SGCD: variants seen among roughly 807,000 people sequenced by gnomAD.
SGCD encodes the protein sarcoglycan delta, also known as delta-sarcoglycan.
Under a neutral mutation model 36.6 loss-of-function variants are expected in SGCD, and 18 were observed. The ratio of observed to expected loss-of-function variants is 0.49; its 90% CI spans 0.34 to 0.73. The LOEUF (loss-of-function observed/expected upper bound fraction) is 0.73, where lower values mean the gene tolerates loss of function less well. Among genes scored for constraint, SGCD ranks in the 30% least tolerant of loss-of-function variants. SGCD has a pLI of 0.01. For missense variants in SGCD, 387 were observed against 346.7 expected (o/e 1.12, Z -0.92); for synonymous variants, 133 against 130.6 (o/e 1.02, Z -0.12).
chr5:155,810,625 A>G, the SGCD span, among the ~76,000 whole-genome samples: 3 of 152,052 alleles, frequency 2.0e-5, no homozygotes, highest in Admixed American at 6.6e-5. Flanking sequence ...GAAGAGCTAA[A>G]TGTTGATAAA....
intron 6 of SGCD, among the ~76,000 whole-genome samples, chr5:156,639,191 T>C (rs1325873429): frequency 6.6e-6 from 1 of 152,132 alleles, no homozygotes. Flanking sequence ...TATACACACA[T>C]ATATAGTCAC....
At chr5:156,295,797 A>G (rs1249667019) in intron 3 of SGCD, among the ~76,000 whole-genome samples, 1 of 152,202 alleles carries the variant, frequency 6.6e-6, no homozygotes, top group Non-Finnish European at 1.5e-5. Context: ...TATTCCTACC[A>G]AAATATCCAA....
At chr5:156,200,274 A>G (rs1240696303) in intron 3 of SGCD, among the ~76,000 whole-genome samples, 2 of 152,066 alleles carry the variant, frequency 1.3e-5, no homozygotes, top group Non-Finnish European at 2.9e-5. Flanking sequence ...ATACTGCAAA[A>G]CAGCAGTAAT....
At chr5:156,589,676 G>A (rs1250226063) in intron 5 of SGCD, among the ~76,000 whole-genome samples, 2 of 152,188 alleles carry the variant, frequency 1.3e-5, no homozygotes, top group Non-Finnish European at 2.9e-5. Flanking sequence ...TGGATTGGTT[G>A]AGAGAAGAAT....
intron 1 of SGCD, among the ~76,000 whole-genome samples, chr5:156,110,905 T>C (rs990528724): frequency 1.3e-5 from 2 of 152,150 alleles, no homozygotes; most frequent in Non-Finnish European, 2.9e-5. Context: ...ACTGCCAACT[T>C]ATATAAATTG....
At chr5:156,748,011 T>C (rs1554136174) in intron 7 of SGCD, among the ~76,000 whole-genome samples, 2 of 152,114 alleles carry the variant, frequency 1.3e-5, no homozygotes, top group Non-Finnish European at 2.9e-5. Context: ...GTAGAGTGGG[T>C]AAACAAATCA....
At chr5:156,382,798 T>G (rs1455871200) in intron 3 of SGCD, among the ~76,000 whole-genome samples, 1 of 152,220 alleles carries the variant, frequency 6.6e-6, no homozygotes, top group East Asian at 1.9e-4. Flanking sequence ...AGAGACTTTA[T>G]GTACTTTCAA....
intron 7 of SGCD, among the ~76,000 whole-genome samples, chr5:156,716,378 C>T (rs1226274341): frequency 6.6e-6 from 1 of 152,224 alleles, no homozygotes; most frequent in Non-Finnish European, 1.5e-5. Flanking sequence ...TGGATTTCCA[C>T]TGCACATTTT....
chr5:155,852,965 G>A, the SGCD span, among the ~76,000 whole-genome samples: 1 of 151,964 alleles, frequency 6.6e-6, no homozygotes, highest in Admixed American at 6.6e-5. Flanking sequence ...TACGAATTGG[G>A]ACATGCTCCT....
upstream of SGCD, among the ~76,000 whole-genome samples, chr5:156,325,357 G>A (rs1486124597): frequency 7.8e-6 from 1 of 128,982 alleles, no homozygotes; most frequent in East Asian, 4.1e-4. Context: ...TTTGCATTTT[G>A]CTCCATTAAA....
intron 3 of SGCD, among the ~76,000 whole-genome samples, chr5:156,396,627 G>A (rs1771865250): frequency 2.6e-5 from 4 of 152,204 alleles, no homozygotes; most frequent in South Asian, 2.1e-4. Flanking sequence ...AGTTTACAAC[G>A]TGTGACTTAT....
chr5:156,755,752 AAAATTATTTACAT>A (rs1299448922), intron 7 of SGCD, among the ~76,000 whole-genome samples: 1 of 152,180 alleles, frequency 6.6e-6, no homozygotes, highest in Non-Finnish European at 1.5e-5. Flanking sequence ...CACAGAAGAA[AAAATTATTTACAT>A]AGAAACTCAG....
chr5:155,828,134 T>A, the SGCD span, among the ~76,000 whole-genome samples: 1 of 152,186 alleles, frequency 6.6e-6, no homozygotes, highest in Non-Finnish European at 1.5e-5. Context: ...CATTTCTCTG[T>A]GCCTATTTTA....
chr5:156,060,810 A>T (rs887295186), intron 1 of SGCD, among the ~76,000 whole-genome samples: 1 of 146,220 alleles, frequency 6.8e-6, no homozygotes, highest in Non-Finnish European at 1.5e-5. Context: ...AAAGATTGAC[A>T]TTAAATAATT....
intron 3 of SGCD, among the ~76,000 whole-genome samples, chr5:156,234,566 T>A (rs952050467): frequency 3.9e-5 from 6 of 152,194 alleles, no homozygotes; most frequent in Non-Finnish European, 2.9e-5. Flanking sequence ...GGAAGAACAT[T>A]CTTTACCACT....
chr5:156,476,209 C>A (rs2127833034), intron 3 of SGCD, among the ~76,000 whole-genome samples: 1 of 152,258 alleles, frequency 6.6e-6, no homozygotes, highest in South Asian at 2.1e-4. Flanking sequence ...ATCCTGCAGG[C>A]CTGTCAGCAA....
In SGCD at chr5:156,650,592, T is replaced by G. The variant is rs1763421639; in HGVS notation, c.575+3056T>G. On this transcript the variant is annotated intron_variant, in intron 7 of 8. Transcript: ENST00000337851. ...ACTTATTAGTGAAAATGTGCAGTAT[T>G]TGGTTTTCTGTTCCTGTGTTAACTT... 2.0e-5 allele frequency among the ~76,000 whole-genome samples: 3 copies of G among 151,466 alleles called. 1 individual carries two copies. The South Asian group carries it at 6.2e-4, about 31-fold the overall frequency.
chr5:156,711,897 C>G (rs1404162860), intron 7 of SGCD, among the ~76,000 whole-genome samples: 1 of 152,130 alleles, frequency 6.6e-6, no homozygotes, highest in African/African-American at 2.4e-5. Context: ...CTGAGGACTG[C>G]TGGTTTTTAT....
the SGCD span, among the ~76,000 whole-genome samples, chr5:155,783,333 T>C: frequency 6.6e-6 from 1 of 152,126 alleles, no homozygotes; most frequent in Non-Finnish European, 1.5e-5. Flanking sequence ...AAGTTGCAAG[T>C]GATACAGACC....
Sources: gnomAD v4.1 joint callset for allele counts (sites outside exome capture counted in the v4.1 genomes callset) on GRCh38, gnomAD v4.1.1 for gene constraint, MANE v1.5 for transcripts, NCBI Gene and HGNC (gene_info 2026-07-23, HGNC 2026-07-21) for gene names.